ZNF140: variants seen among roughly 807,000 people sequenced by gnomAD.
The protein encoded by ZNF140 is zinc finger protein 140 (clone pHZ-39).
A neutral mutation model predicts 12.9 loss-of-function variants in ZNF140; 13 were observed. The observed-to-expected ratio is 1.01, with a 90% CI of 0.66 to 1.60. The LOEUF is 1.60. ZNF140 is among the 40% of genes most tolerant of loss of function. ZNF140 has a pLI of 0.00. For synonymous variants in ZNF140, 214 were observed against 186.7 expected (o/e 1.15, Z -1.19); for missense variants, 531 against 548.8 (o/e 0.97, Z 0.32).
intron 4 of ZNF140, chr12:133,084,116 T>G: frequency 2.4e-6 from 1 of 420,264 alleles, no homozygotes; most frequent in Non-Finnish European, 4.6e-6. Context: ...TTCTCACAGG[T>G]GTCTTTTTTG....
rs1954929770 is a variant in ZNF140, at chr12:133,092,565, C to T, written c.232+9004C>T. ...TACCAAATTTTAATGTGGTAGGAGA[C>T]CACAGTGAGCTTCCATAATTTTGGG... On this transcript the variant is annotated intron_variant, in intron 4 of 4. Transcript: ENST00000355557. Among the ~76,000 whole-genome samples, 2 of 151,276 alleles carry T rather than the reference C, an allele frequency of 1.3e-5. 1 individual carries two copies. The highest frequency in any genetic ancestry group is 2.9e-5 in the Non-Finnish European group (2 of 67,874).
At chr12:133,098,293 G>T (rs1482399754) in intron 4 of ZNF140, among the ~76,000 whole-genome samples, 1 of 152,122 alleles carries the variant, frequency 6.6e-6, no homozygotes, top group Non-Finnish European at 1.5e-5. Flanking sequence ...CTGGAATGCA[G>T]TGGCATGATC....
intron 4 of ZNF140, among the ~76,000 whole-genome samples, chr12:133,092,734 A>G (rs1482967972): frequency 1.3e-5 from 2 of 151,200 alleles, no homozygotes; most frequent in Non-Finnish European, 2.9e-5. Context: ...AGGCCGGATT[A>G]GTGGGCCAGA....
chr12:133,096,750 ATTC>A (rs1228584480), intron 4 of ZNF140, among the ~76,000 whole-genome samples: 1 of 152,174 alleles, frequency 6.6e-6, no homozygotes, highest in Non-Finnish European at 1.5e-5. Context: ...TATGATTTCT[ATTC>A]TTTGAAATTT....
intron 4 of ZNF140, among the ~76,000 whole-genome samples, chr12:133,085,135 C>G (rs1032532234): frequency 4.6e-5 from 7 of 152,060 alleles, no homozygotes; most frequent in Non-Finnish European, 8.8e-5. Context: ...AGTGATTCTG[C>G]TGCTTCAGCC....
Position 133,091,209 on chromosome 12 carries a change from T to C in ZNF140, c.232+7648T>C, listed in dbSNP as rs7962620. 7.7e-3 allele frequency among the ~76,000 whole-genome samples: 1,149 copies of C among 149,508 alleles called. 56 individuals are homozygous for C. The highest frequency in any genetic ancestry group is 0.02 in the African/African-American group (816 of 40,434). On this transcript the variant is annotated intron_variant, in intron 4 of 4. Coordinates refer to ENST00000355557, the MANE Select transcript of ZNF140 (RefSeq NM_003440.4). ...AGAAACCTTGGACAATACCCTGCTT[T>C]CAAGGGCAGAGGTCTCTGCGGCTTT...
intron 4 of ZNF140, among the ~76,000 whole-genome samples, chr12:133,097,819 ATGTGTGTGTGTGTGTG>A (rs71079166): frequency 7.0e-6 from 1 of 143,162 alleles, no homozygotes; most frequent in Admixed American, 7.0e-5. Context: ...ACATCTAACC[ATGTGTGTGTGTGTGTG>A]TGTGTGTGTG....
intron 4 of ZNF140, among the ~76,000 whole-genome samples, chr12:133,095,252 C>CT (rs1271589550): frequency 1.3e-5 from 2 of 151,060 alleles, no homozygotes; most frequent in African/African-American, 2.5e-5. Flanking sequence ...TCTGTAGAAG[C>CT]TTTAACTCCC....
intron 2 of ZNF140, chr12:133,081,859 C>T (rs1954516525): frequency 4.7e-6 from 1 of 211,570 alleles, no homozygotes; most frequent in African/African-American, 2.4e-5. Flanking sequence ...ATCCTTGGAC[C>T]AGCAGTATCA....
intron 4 of ZNF140, among the ~76,000 whole-genome samples, chr12:133,091,221 G>T (rs1400323532): frequency 1.3e-5 from 2 of 150,520 alleles, no homozygotes; most frequent in Non-Finnish European, 3.0e-5. Flanking sequence ...AAGGGCAGAG[G>T]TCTCTGCGGC....
intron 4 of ZNF140, among the ~76,000 whole-genome samples, chr12:133,095,676 A>C (rs997918156): frequency 2.0e-5 from 3 of 151,838 alleles, no homozygotes; most frequent in Non-Finnish European, 2.9e-5. Flanking sequence ...TTTCAGCAAA[A>C]AGGAATGTAG....
chr12:133,101,342 C>T (rs1397045492), intron 4 of ZNF140, among the ~76,000 whole-genome samples: 2 of 151,812 alleles, frequency 1.3e-5, no homozygotes. Context: ...TAATCTGTTC[C>T]TTTTTTTTCC....
At chr12:133,080,497 TCCGCTAGTTGTGCGCTTGG>T (rs1954428770), upstream of ZNF140, 1 of 152,342 alleles carries the variant, frequency 6.6e-6, no homozygotes, top group Non-Finnish European at 1.5e-5. Context: ...TCTTCGTTTC[TCCGCTAGTTGTGCGCTTGG>T]CCGCGAGACA....
At chr12:133,100,162 T>TG (rs1955288272) in intron 4 of ZNF140, among the ~76,000 whole-genome samples, 1 of 76,344 alleles carries the variant, frequency 1.3e-5, no homozygotes, top group African/African-American at 6.7e-5. Flanking sequence ...CCTTTTCCGT[T>TG]TTTTTTTTTT....
chr12:133,094,370 A>G (rs1954995032), intron 4 of ZNF140, among the ~76,000 whole-genome samples: 1 of 151,016 alleles, frequency 6.6e-6, no homozygotes, highest in Admixed American at 6.6e-5. Flanking sequence ...TTGCCACAGG[A>G]ATGGTAAAAA....
rs796383292 is a variant in ZNF140, at chr12:133,103,310, CTTTGT to C, written c.233-2196_233-2192del. Among the ~76,000 whole-genome samples, 527 of 152,310 alleles carry C rather than the reference CTTTGT, an allele frequency of 3.5e-3. 2 individuals carry two copies. The highest frequency in any genetic ancestry group is 0.012 in the African/African-American group (504 of 41,574). On this transcript the variant is annotated intron_variant, in intron 4 of 4. Transcript: ENST00000355557. The stretch of plus-strand genomic sequence containing the variant: ...TAACATCTTACCTGTCCAACACCCC[CTTTGT>C]TTTAAGACAGGGTGACATTCTGTTG...
chr12:133,090,691 G>A (rs1002451227), intron 4 of ZNF140, among the ~76,000 whole-genome samples: 13 of 149,296 alleles, frequency 8.7e-5, no homozygotes, highest in Non-Finnish European at 1.9e-4. Flanking sequence ...CACCAGCACC[G>A]GCCTCTGAGT....
chr12:133,086,321 A>G (rs889602932), intron 4 of ZNF140, among the ~76,000 whole-genome samples: 58 of 152,350 alleles, frequency 3.8e-4, no homozygotes, highest in Non-Finnish European at 7.3e-5. Flanking sequence ...CGCAAACCCA[A>G]TAAGTGAATG....
intron 4 of ZNF140, among the ~76,000 whole-genome samples, chr12:133,091,107 C>G (rs1474863216): frequency 4.7e-5 from 7 of 149,536 alleles, no homozygotes; most frequent in South Asian, 2.1e-4. Context: ...CAGCACAGAC[C>G]TTTTACAGGT....
Sources: gnomAD v4.1 joint callset for allele counts (sites outside exome capture counted in the v4.1 genomes callset) on GRCh38, gnomAD v4.1.1 for gene constraint, MANE v1.5 for transcripts, NCBI Gene and HGNC (gene_info 2026-07-23, HGNC 2026-07-21) for gene names.